PTPRG: variants seen among roughly 807,000 people sequenced by gnomAD.
PTPRG encodes the protein protein tyrosine phosphatase receptor type G.
Under a neutral mutation model 165.3 loss-of-function variants are expected in PTPRG, and 102 were observed. The ratio of observed to expected loss-of-function variants is 0.62; its 90% CI spans 0.53 to 0.73. The LOEUF (loss-of-function observed/expected upper bound fraction) is 0.73. PTPRG is among the 30% of genes least tolerant of loss of function. PTPRG has a pLI of 0.00. For synonymous variants in PTPRG, 675 were observed against 669.5 expected, an observed-to-expected ratio of 1.01 and a Z score of -0.13; for missense variants, 1,866 against 1,861.4, an observed-to-expected ratio of 1.00 and a Z score of -0.05.
rs200790873 is a variant in PTPRG, at chr3:62,132,629, G to A, written c.643G>A (p.Asp215Asn). The change falls in exon 6 of 30, where the codon GAT (aspartate) becomes AAT (asparagine). Residue 215 changes from aspartate (D) to asparagine (N), a missense_variant. Asp to Asn is a conservative substitution (Grantham distance 23). Transcript: ENST00000474889. ...CAGTCCGAGGGACAATTCTGCACTG[G>A]ATCCTATTATCCACGGGTTGAAGGG... ...QVSPRDNSAL[D>N]PIIHGLKGVV... The A allele has an allele frequency of 6.2e-7, 1 of 1,612,332 alleles. No individual in the cohort carries two copies. Among genetic ancestry groups the A allele is most frequent in the African/African-American group, 1.3e-5 (1 of 74,962 alleles).
chr3:61,905,339 G>A (rs750056348), intron 2 of PTPRG, among the ~76,000 whole-genome samples: 1 of 152,048 alleles, frequency 6.6e-6, no homozygotes. Flanking sequence ...CTTGTCATGC[G>A]CTTTTCAGGA....
intron 1 of PTPRG, among the ~76,000 whole-genome samples, chr3:61,588,907 C>T (rs1052852813): frequency 2.6e-5 from 4 of 152,144 alleles, no homozygotes; most frequent in African/African-American, 9.7e-5. Flanking sequence ...GTTGTAGTCA[C>T]CTCTCTACAG....
intron 4 of PTPRG, among the ~76,000 whole-genome samples, chr3:62,054,294 A>G (rs1700559347): frequency 6.6e-6 from 1 of 152,218 alleles, no homozygotes; most frequent in African/African-American, 2.4e-5. Context: ...TATACAAGGT[A>G]TTCATTATTT....
At chr3:62,191,174 G>A (rs1699805180) in intron 8 of PTPRG, among the ~76,000 whole-genome samples, 2 of 150,268 alleles carry the variant, frequency 1.3e-5, no homozygotes, top group Non-Finnish European at 3.0e-5. Context: ...ATGTGCCTCT[G>A]TGCCCCGTGC....
chr3:62,116,534 G>T (rs1205903402), intron 5 of PTPRG, among the ~76,000 whole-genome samples: 3 of 152,170 alleles, frequency 2.0e-5, no homozygotes, highest in Non-Finnish European at 4.4e-5. Flanking sequence ...GTGAATCTCA[G>T]ATATAACGAC....
chr3:61,927,653 T>C (rs560202684), intron 2 of PTPRG, among the ~76,000 whole-genome samples: 9 of 152,296 alleles, frequency 5.9e-5, no homozygotes, highest in Non-Finnish European at 1.0e-4. Context: ...CCCTTTTAAG[T>C]AGAACCAGGA....
intron 4 of PTPRG, among the ~76,000 whole-genome samples, chr3:62,030,657 C>A (rs944879629): frequency 6.6e-6 from 1 of 152,136 alleles, no homozygotes; most frequent in Non-Finnish European, 1.5e-5. Context: ...AATCACAAAA[C>A]CCAGTTTGGG....
intron 2 of PTPRG, among the ~76,000 whole-genome samples, chr3:61,836,736 G>GT (rs2036474093): frequency 4.0e-5 from 1 of 25,300 alleles, no homozygotes; most frequent in Non-Finnish European, 6.2e-5. Context: ...TGTTGTTGTT[G>GT]TTTTTTGTTT....
chr3:61,991,831 C>G (rs2040898894), intron 3 of PTPRG, among the ~76,000 whole-genome samples: 1 of 152,174 alleles, frequency 6.6e-6, no homozygotes, highest in Admixed American at 6.5e-5. Context: ...TAACACGTTT[C>G]ATTGACAGCT....
intron 2 of PTPRG, among the ~76,000 whole-genome samples, chr3:61,886,630 G>C (rs1157082397): frequency 6.6e-6 from 1 of 152,102 alleles, no homozygotes; most frequent in African/African-American, 2.4e-5. Context: ...CTTCAATCAG[G>C]AAGATGGGGA....
At position 62,262,811 on chromosome 3, in the gene PTPRG, G is replaced by A; in HGVS notation, c.2573G>A (p.Cys858Tyr). 1 of 1,613,356 alleles carries A rather than the reference G, an allele frequency of 6.2e-7. No homozygotes were observed. The highest frequency in any genetic ancestry group is 8.5e-7 in the Non-Finnish European group (1 of 1,179,486). ...TTTCTTCACTAGGAAGTCCAGCGCT[G>A]TACTGCTGATATGAACATCACTGCA... ...FSEDFEEVQR[C>Y]TADMNITAEH... The change falls in exon 17 of 30, where the codon TGT becomes TAT. Residue 858 changes from cysteine to tyrosine, a missense_variant. This residue lies in a region of PTPRG where 1,452 missense variants were observed against 1,463.0 expected (regional missense o/e 0.99). Transcript: ENST00000474889.
chr3:62,285,297 T>C (rs543710799), intron 28 of PTPRG, among the ~76,000 whole-genome samples: 1 of 152,192 alleles, frequency 6.6e-6, no homozygotes, highest in East Asian at 1.9e-4. Flanking sequence ...AAGCCTTGCT[T>C]TTTGTCTCAT....
intron 1 of PTPRG, among the ~76,000 whole-genome samples, chr3:61,724,659 A>G (rs1175196140): frequency 5.3e-5 from 8 of 151,992 alleles, no homozygotes; most frequent in Non-Finnish European, 8.8e-5. Context: ...TTTTGGTATT[A>G]CCACTATTTT....
intron 2 of PTPRG, among the ~76,000 whole-genome samples, chr3:61,832,822 A>G (rs1439994636): frequency 6.6e-6 from 1 of 152,152 alleles, no homozygotes; most frequent in East Asian, 1.9e-4. Flanking sequence ...TATACACTGA[A>G]CCCAATATGT....
At chr3:61,611,663 T>A (rs1183973506) in intron 1 of PTPRG, among the ~76,000 whole-genome samples, 3 of 152,176 alleles carry the variant, frequency 2.0e-5, no homozygotes, top group African/African-American at 7.2e-5. Context: ...AAGAGCCCAA[T>A]AGACATTTTC....
In PTPRG at chr3:61,611,942, G is replaced by C. The variant is rs911055956; in HGVS notation, c.85+49570G>C. ...AGAGTTTGTTAACCCCTGCTGTAAG[G>C]GTTTTTTGTTTTATTTTTGAGATGG... On this transcript the variant is annotated intron_variant, in intron 1 of 29. Transcript: ENST00000474889. Among the ~76,000 whole-genome samples the C allele has an allele frequency of 1.4e-3, 218 of 152,176 alleles. 1 individual carries two copies. The highest frequency in any genetic ancestry group is 5.0e-3 in the African/African-American group (206 of 41,522).
At chr3:61,884,184 C>T (rs566681503) in intron 2 of PTPRG, among the ~76,000 whole-genome samples, 4 of 152,256 alleles carry the variant, frequency 2.6e-5, no homozygotes, top group East Asian at 3.9e-4. Context: ...ATCCCCCTTT[C>T]GAAACCTAGC....
intron 2 of PTPRG, among the ~76,000 whole-genome samples, chr3:61,835,370 C>T (rs2036426986): frequency 6.6e-6 from 1 of 152,236 alleles, no homozygotes; most frequent in Non-Finnish European, 1.5e-5. Context: ...CTACTCCCCC[C>T]TTCCCCAGGC....
At chr3:62,288,140 T>TAAAAA (rs374405748) in intron 28 of PTPRG, among the ~76,000 whole-genome samples, 1 of 113,658 alleles carries the variant, frequency 8.8e-6, no homozygotes. Context: ...AAACTGTACT[T>TAAAAA]AAAAAAAAAA....
Sources: gnomAD v4.1 joint callset for allele counts (sites outside exome capture counted in the v4.1 genomes callset) on GRCh38, gnomAD v4.1.1 for gene constraint, gnomAD v4.1.1 regional missense constraint, MANE v1.5 for transcripts, NCBI Gene and HGNC (gene_info 2026-07-23, HGNC 2026-07-21) for gene names.